Variants in FER1L6 observed in about 807,000 individuals in gnomAD.
The protein encoded by FER1L6 is fer-1-like protein 6.
A neutral mutation model predicts 219.2 loss-of-function variants in FER1L6; 177 were observed. The ratio of observed to expected loss-of-function variants is 0.81; its 90% CI spans 0.71 to 0.91. The LOEUF is 0.91. FER1L6 is among the 40% of genes least tolerant of loss of function. The pLI, the probability that FER1L6 is intolerant of heterozygous loss-of-function variation, is 0.00. For missense variants in FER1L6, 2,153 were observed against 2,259.9 expected (o/e 0.95, Z 0.96); for synonymous variants, 768 against 824.3 (o/e 0.93, Z 1.17).
At chr8:123,972,175 T>G (rs1815850719) in intron 6 of FER1L6, among the ~76,000 whole-genome samples, 1 of 152,222 alleles carries the variant, frequency 6.6e-6, no homozygotes. Context: ...TTCACCTTGG[T>G]TCTCTGACAC....
intron 1 of FER1L6, among the ~76,000 whole-genome samples, chr8:123,908,077 A>C (rs899597443): frequency 6.6e-6 from 1 of 152,174 alleles, no homozygotes; most frequent in Non-Finnish European, 1.5e-5. Flanking sequence ...ATAAACTGTT[A>C]GATGCTTGAA....
chr8:123,868,940 G>A (rs1816880250), intron 1 of FER1L6, among the ~76,000 whole-genome samples: 1 of 152,152 alleles, frequency 6.6e-6, no homozygotes, highest in South Asian at 2.1e-4. Context: ...GTTCAGACAG[G>A]TAGGGAGAGT....
chr8:123,993,235 G>A (rs1004366791), intron 12 of FER1L6, among the ~76,000 whole-genome samples: 31 of 151,930 alleles, frequency 2.0e-4, no homozygotes, highest in South Asian at 4.2e-4. Flanking sequence ...GAGGTCAGGA[G>A]ATCGAGACCA....
intron 2 of FER1L6, among the ~76,000 whole-genome samples, chr8:123,962,533 G>A (rs1416411252): frequency 6.6e-6 from 1 of 151,954 alleles, no homozygotes; most frequent in Non-Finnish European, 1.5e-5. Context: ...ATGCTGGTCA[G>A]TTGTTGTGTC....
intron 18 of FER1L6, among the ~76,000 whole-genome samples, chr8:124,033,380 C>T (rs556870099): frequency 3.3e-5 from 5 of 152,290 alleles, no homozygotes; most frequent in East Asian, 3.9e-4. Flanking sequence ...TTCCCCAATA[C>T]ATTTTGGCTA....
rs74403458 is a variant in FER1L6 at position 123,956,003 on chromosome 8, T to C, written c.5T>C (p.Phe2Ser). The C allele has an allele frequency of 0.015, 23,595 of 1,610,882 alleles. 245 individuals carry two copies. Among genetic ancestry groups the C allele is most frequent in the Non-Finnish European group, 0.018 (21,003 of 1,178,720 alleles). M[F>S]GLKVKKKRNK... ...TTTCTTCTTTTCAGAAAGGGGATGTTTGGGCTGAAGGTGAAGAAGAAGAGA... is the reference window on the plus strand; with the variant it reads ...TTTCTTCTTTTCAGAAAGGGGATGTCTGGGCTGAAGGTGAAGAAGAAGAGA... The change falls in exon 2 of 41, where the codon TTT (phenylalanine) becomes TCT (serine). Residue 2 changes from phenylalanine (F) to serine (S), a missense_variant. Phe to Ser is a radical substitution (Grantham distance 155). Transcript: ENST00000522917.
At chr8:124,021,732 T>C (rs1818460815) in intron 17 of FER1L6, 63 bp downstream of exon 17, 2 of 1,593,230 alleles carry the variant, frequency 1.3e-6, no homozygotes, top group South Asian at 1.1e-5. Context: ...CAGGGAGGTT[T>C]GAATGGTTGG....
chr8:124,049,525 T>C lies in FER1L6; in HGVS notation c.2725-82T>C, dbSNP rs1348190961. 1.3e-5 allele frequency: 19 copies of C among 1,459,900 alleles called. No homozygotes were observed. The East Asian group carries it at 4.3e-4, about 33-fold the overall frequency. The allele number at this position is 1,459,900 out of a possible 1,614,324, so 90.4% of individuals were successfully genotyped here. On this transcript the variant is annotated intron_variant, in intron 21 of 40. Transcript: ENST00000522917. ...GCTGATGGTTTTGTGGAGGTTATTT[T>C]GTGGAGGTGATGGCATTGATGTGGA...
At chr8:123,986,013 T>C in intron 11 of FER1L6, 55 bp from the exon 12 acceptor site, 1 of 986,310 alleles carries the variant, frequency 1.0e-6, no homozygotes, top group Non-Finnish European at 1.6e-6. Flanking sequence ...CAAAGTCAGC[T>C]TCCTAATGAG....
Position 123,980,437 on chromosome 8 carries a change from A to C in FER1L6, c.1064-28A>C, listed in dbSNP as rs749626510. On this transcript the variant is annotated intron_variant, in intron 10 of 40. Transcript: ENST00000522917. ...ACTTTTATAAAGCAAAAACATAATG[A>C]GATAACTAAAACCTGGGGTCTCTCT... is the stretch of plus-strand genomic sequence containing the variant. 2.6e-6 allele frequency: 4 copies of C among 1,531,638 alleles called. No homozygotes were observed. The Admixed American group carries it at 8.4e-5, about 32-fold the overall frequency. 94.9% of individuals were successfully genotyped at this position (1,531,638 alleles called of 1,614,324 possible). A position where few individuals can be genotyped will look rare whatever the true frequency, so the allele number is the denominator to read the frequency against.
At chr8:124,113,957 C>A (rs1459175758) in intron 39 of FER1L6, among the ~76,000 whole-genome samples, 5 of 152,184 alleles carry the variant, frequency 3.3e-5, no homozygotes, top group Non-Finnish European at 7.3e-5. Context: ...GGCACATTTT[C>A]CCCTCTGCCG....
At chr8:124,013,172 G>A (rs956913700) in intron 14 of FER1L6, among the ~76,000 whole-genome samples, 15 of 152,182 alleles carry the variant, frequency 9.9e-5, no homozygotes, top group African/African-American at 3.6e-4. Context: ...ATTAGGGAAT[G>A]GATCTATAAC....
rs368373347 is a variant in FER1L6, at chr8:124,101,290, G to T, written c.5077G>T (p.Val1693Leu). ...KMECKTPAVLVLQVWDFERLS... is the reference protein window; with the variant it reads ...KMECKTPAVLLLQVWDFERLS... ...GGAGTGTAAGACTCCTGCTGTGTTG[G>T]TGCTGCAGGTTTGGGATTTTGAAAG... Residue 1693 changes from valine to leucine, a missense_variant, in exon 38 of 41, where the codon GTG becomes TTG. Transcript: ENST00000522917. 6.2e-7 allele frequency: 1 copy of T among 1,613,558 alleles called. No homozygotes were observed. The highest frequency in any genetic ancestry group is 8.5e-7 in the Non-Finnish European group (1 of 1,179,692).
intron 39 of FER1L6, among the ~76,000 whole-genome samples, chr8:124,113,475 A>G (rs1823104449): frequency 6.6e-6 from 1 of 152,204 alleles, no homozygotes; most frequent in Non-Finnish European, 1.5e-5. Flanking sequence ...CAATGCTGTC[A>G]CCACATATAA....
At chr8:123,981,274 C>T (rs369104997) in intron 11 of FER1L6, among the ~76,000 whole-genome samples, 30 of 152,190 alleles carry the variant, frequency 2.0e-4, no homozygotes, top group African/African-American at 5.8e-4. Flanking sequence ...CAAACCTGTG[C>T]GGGAAATCAC....
intron 10 of FER1L6, 113 bp downstream of exon 10, chr8:123,977,722 A>G (rs967327557): frequency 4.3e-6 from 4 of 928,432 alleles, no homozygotes; most frequent in South Asian, 1.7e-5. Flanking sequence ...GGCACCAGAT[A>G]CCAGTTTTAT....
rs367544905 is a variant in FER1L6 at position 123,951,296 on chromosome 8, C to T, written c.-7-4696C>T. Among the ~76,000 whole-genome samples the T allele has an allele frequency of 1.8e-4, 27 of 152,090 alleles. No homozygotes were observed. The East Asian group carries it at 4.6e-3, about 26-fold the overall frequency. ...TGGGGCACAGTTTTAGAAAGCTACC[C>T]CCATATGGATTAGATGTGTAGCCAA... On this transcript the variant is annotated intron_variant, in intron 1 of 40. Coordinates refer to ENST00000522917, the MANE Select transcript of FER1L6 (RefSeq NM_001039112.2).
chr8:123,892,853 G>A (rs1193997573), intron 1 of FER1L6, among the ~76,000 whole-genome samples: 5 of 152,072 alleles, frequency 3.3e-5, no homozygotes, highest in Non-Finnish European at 7.4e-5. Context: ...TAGTTTTTCT[G>A]AAGTACAAGA....
At chr8:124,105,676 G>A (rs947064186) in intron 39 of FER1L6, among the ~76,000 whole-genome samples, 8 of 152,116 alleles carry the variant, frequency 5.3e-5, no homozygotes, top group African/African-American at 9.7e-5. Context: ...GGAGGTTCCC[G>A]GTGACCTTTT....
Sources: gnomAD v4.1 joint callset for allele counts (sites outside exome capture counted in the v4.1 genomes callset) on GRCh38, gnomAD v4.1.1 for gene constraint, MANE v1.5 for transcripts, NCBI Gene and HGNC (gene_info 2026-07-23, HGNC 2026-07-21) for gene names.